COL6A6: variants seen among roughly 807,000 people sequenced by gnomAD.
The protein encoded by COL6A6 is collagen type VI alpha 6 chain.
In COL6A6, 183 loss-of-function variants were observed where a neutral mutation model predicts 208.6. That is an observed-to-expected ratio of 0.88 (90% CI 0.78 to 0.99). The LOEUF (loss-of-function observed/expected upper bound fraction) is 0.99, where lower values mean the gene tolerates loss of function less well. COL6A6 is among the 50% of genes least tolerant of loss of function. The pLI, the probability that COL6A6 is intolerant of heterozygous loss-of-function variation, is 0.00. For synonymous variants in COL6A6, 973 were observed against 1,011.8 expected (o/e 0.96, Z 0.73); for missense variants, 2,816 against 2,815.2 (o/e 1.00, Z -0.01).
chr3:130,546,216 G>T (rs1340264512), intron 1 of COL6A6, among the ~76,000 whole-genome samples: 1 of 152,128 alleles, frequency 6.6e-6, no homozygotes, highest in Non-Finnish European at 1.5e-5. Context: ...CTGACGTTCG[G>T]ATGTGTTTGG....
chr3:130,654,555 A>G (rs1383552613), intron 33 of COL6A6, among the ~76,000 whole-genome samples: 1 of 152,242 alleles, frequency 6.6e-6, no homozygotes, highest in Non-Finnish European at 1.5e-5. Context: ...AATTTAAGCT[A>G]GCTTAGGTAT....
At chr3:130,641,814 C>T in intron 29 of COL6A6, 100 bp downstream of exon 29, 1 of 596,496 alleles carries the variant, frequency 1.7e-6, no homozygotes. Context: ...TGCCTTCTGT[C>T]TCTGCTTCTT....
Position 130,574,511 on chromosome 3 carries a change from C to G in COL6A6, c.3533C>G (p.Thr1178Arg). ...AGGATCGTTCGCAACATCTGTACCA[C>G]AGCGGGTGAAAGCAGTAAGTATTTA... ...NKRIVRNICT[T>R]AGESNCFVDV... Residue 1178 changes from threonine to arginine, a missense_variant, in exon 8 of 37, where the codon ACA (threonine) becomes AGA (arginine). Physicochemically the swap from Thr to Arg is moderately conservative, Grantham distance 71. Transcript: ENST00000358511. 2 of 1,613,460 alleles carry G rather than the reference C, an allele frequency of 1.2e-6. No homozygotes were observed. Among genetic ancestry groups the G allele is most frequent in the South Asian group, 1.1e-5 (1 of 91,072 alleles).
At chr3:130,544,611 A>G (rs114982874) in intron 1 of COL6A6, among the ~76,000 whole-genome samples, 1 of 152,054 alleles carries the variant, frequency 6.6e-6, no homozygotes, top group Non-Finnish European at 1.5e-5. Flanking sequence ...GGGCAACTCC[A>G]TACTGTTTTC....
chr3:130,654,521 C>G (rs558091528), intron 33 of COL6A6, among the ~76,000 whole-genome samples: 1 of 152,332 alleles, frequency 6.6e-6, no homozygotes, highest in South Asian at 2.1e-4. Context: ...GTCAAGACTA[C>G]TTTGTTTACA....
rs190281424 is a variant in COL6A6, at chr3:130,546,155, C to T, written c.-31-14179C>T. Among the ~76,000 whole-genome samples, 232 of 152,268 alleles carry T rather than the reference C, an allele frequency of 1.5e-3. 1 individual carries two copies. The highest frequency in any genetic ancestry group is 2.4e-3 in the Non-Finnish European group (161 of 68,028). On this transcript the variant is annotated intron_variant, in intron 1 of 36. Transcript: ENST00000358511. ...CTTCAAGAATGAAGCCCCGGACCCT[C>T]GCGGTGAGTGTTACAGTTCTTAAAG... is the stretch of plus-strand genomic sequence containing the variant.
At chr3:130,619,947 T>C (rs916981218) in intron 23 of COL6A6, among the ~76,000 whole-genome samples, 39 of 152,234 alleles carry the variant, frequency 2.6e-4, no homozygotes, top group African/African-American at 9.2e-4. Context: ...ATTTTATTTA[T>C]TTTTTTAGAC....
intron 1 of COL6A6, among the ~76,000 whole-genome samples, chr3:130,531,054 A>AGT (rs879609597): frequency 0.029 from 2,411 of 83,756 alleles, 26 homozygotes; most frequent in Admixed American, 0.045. Flanking sequence ...ACACACACAC[A>AGT]CACACAGTCT....
At chr3:130,647,378 G>T (rs1022553548) in intron 32 of COL6A6, among the ~76,000 whole-genome samples, 1 of 151,820 alleles carries the variant, frequency 6.6e-6, no homozygotes, top group African/African-American at 2.4e-5. Context: ...AAGCATTTTT[G>T]TTGTTGTTTC....
chr3:130,583,300 G>T (rs1485734041), intron 10 of COL6A6, among the ~76,000 whole-genome samples: 1 of 152,018 alleles, frequency 6.6e-6, no homozygotes, highest in Non-Finnish European at 1.5e-5. Context: ...CTTGGCCTTT[G>T]TTCATGAGCT....
intron 1 of COL6A6, among the ~76,000 whole-genome samples, chr3:130,533,648 C>A (rs552097119): frequency 1.8e-4 from 27 of 152,292 alleles, no homozygotes; most frequent in African/African-American, 6.3e-4. Context: ...GCATTCCCAG[C>A]GGGGACCACT....
chr3:130,623,108 G>T (rs1298916415), intron 24 of COL6A6, among the ~76,000 whole-genome samples: 1 of 152,128 alleles, frequency 6.6e-6, no homozygotes, highest in East Asian at 1.9e-4. Context: ...GAATGGAGTG[G>T]ATGAACACAG....
intron 18 of COL6A6, among the ~76,000 whole-genome samples, chr3:130,596,607 C>A (rs560638766): frequency 6.6e-6 from 1 of 152,126 alleles, no homozygotes; most frequent in South Asian, 2.1e-4. Flanking sequence ...TTTTTGAAAC[C>A]CTAAGTTTAT....
Position 130,586,633 on chromosome 3 carries a change from A to G in COL6A6, c.4098A>G (p.Glu1366=). 6.2e-7 allele frequency: 1 copy of G among 1,612,920 alleles called. No individual in the cohort carries two copies. Among genetic ancestry groups the G allele is most frequent in the Non-Finnish European group, 8.5e-7 (1 of 1,179,582 alleles). ...CACAGCTCTCTATTGGCATGAGAGA[A>G]CTTGGAAGCCGGCTGTCAAAGCAGC... is the stretch of plus-strand genomic sequence containing the variant. The part of the protein sequence containing the change: ...YRTQLSIGMR[E]LGSRLSKQLV... The change falls in exon 11 of 37, where the codon GAA becomes GAG. Residue 1366 remains glutamate (E), a synonymous_variant. Coordinates refer to ENST00000358511, the MANE Select transcript of COL6A6 (RefSeq NM_001102608.3).
In COL6A6 at chr3:130,649,495, G is replaced by A. The variant is rs1394972142; in HGVS notation, c.5666G>A (p.Gly1889Asp). ...HSITTAAMEF[G>D]ALEIIPVVIT... ...ATCACCACGGCTGCCATGGAGTTCG[G>A]CGCGCTTGAAATCATTCCCGTGGTG... Residue 1889 changes from glycine (G) to aspartate (D), a missense_variant, in exon 33 of 37, where the codon GGC becomes GAC. Gly to Asp is a moderately conservative substitution (Grantham distance 94, BLOSUM62 -1). Coordinates refer to ENST00000358511, the MANE Select transcript of COL6A6 (RefSeq NM_001102608.3). 1 of 1,607,394 alleles carries A rather than the reference G, an allele frequency of 6.2e-7. No homozygotes were observed. The highest frequency in any genetic ancestry group is 1.3e-5 in the African/African-American group (1 of 74,962).
intron 1 of COL6A6, among the ~76,000 whole-genome samples, chr3:130,541,255 C>A (rs2062356496): frequency 1.3e-5 from 2 of 152,208 alleles, no homozygotes; most frequent in African/African-American, 2.4e-5. Context: ...ATCAGAGCCA[C>A]AGTGATCAGA....
At chr3:130,540,599 T>C (rs1233403493) in intron 1 of COL6A6, among the ~76,000 whole-genome samples, 3 of 152,156 alleles carry the variant, frequency 2.0e-5, no homozygotes, top group African/African-American at 7.2e-5. Context: ...TATCAACCCA[T>C]CACCTAGGTA....
intron 19 of COL6A6, among the ~76,000 whole-genome samples, chr3:130,599,447 C>A (rs140126944): frequency 1.3e-5 from 2 of 151,016 alleles, no homozygotes; most frequent in African/African-American, 2.5e-5. Context: ...CTTTAGTTAT[C>A]CACACTGTGG....
At position 130,649,238 on chromosome 3, in the gene COL6A6, C is replaced by T. The variant is rs374137008; in HGVS notation, c.5409C>T (p.Leu1803=). Residue 1803 remains leucine (L), a synonymous_variant, in exon 33 of 37, where the codon CTC becomes CTT. Coordinates refer to ENST00000358511, the MANE Select transcript of COL6A6 (RefSeq NM_001102608.3). ...CCGTGGGAGCGCACATCGCCATCCT[C>T]TCCTATAACTCCCACGCCAGGCACC... ...SCPVGAHIAI[L]SYNSHARHLV... is the part of the protein sequence containing the mutation. 165 of 1,593,312 alleles carry T rather than the reference C, an allele frequency of 1.0e-4. No homozygotes were observed. The African/African-American group carries it at 1.3e-3, about 12-fold the overall frequency.
Sources: allele counts gnomAD v4.1 joint callset (sites outside exome capture counted in the v4.1 genomes callset), GRCh38; gene constraint gnomAD v4.1.1; transcripts MANE v1.5; gene names NCBI Gene and HGNC (gene_info 2026-07-23, HGNC 2026-07-21).